The following COP1 variants were observed in gnomAD, a reference collection of about 807,000 sequenced individuals.
The protein encoded by COP1 is E3 ubiquitin-protein ligase COP1.
Under a neutral mutation model 101.3 loss-of-function variants are expected in COP1, and 24 were observed. That is an observed-to-expected ratio of 0.24 (90% CI 0.17 to 0.33). The LOEUF is 0.33. Among genes scored for constraint, COP1 ranks in the 10% least tolerant of loss-of-function variants. The pLI, the probability that COP1 is intolerant of heterozygous loss-of-function variation, is 1.00. For synonymous variants in COP1, 347 were observed against 341.9 expected (o/e 1.01, Z -0.17); for missense variants, 663 against 906.2 (o/e 0.73, Z 3.45).
At chr1:176,095,973 G>A (rs1682284088) in intron 9 of COP1, among the ~76,000 whole-genome samples, 1 of 152,120 alleles carries the variant, frequency 6.6e-6, no homozygotes, top group Admixed American at 6.5e-5. Flanking sequence ...TTACTATTCT[G>A]TGACAAAATG....
intron 1 of COP1, among the ~76,000 whole-genome samples, chr1:176,201,945 A>G (rs1700303737): frequency 6.6e-6 from 1 of 152,322 alleles, no homozygotes; most frequent in South Asian, 2.1e-4. Context: ...CCAGTAACTG[A>G]ACATGCTTTT....
chr1:176,161,199 T>C (rs1694265344), intron 5 of COP1, among the ~76,000 whole-genome samples: 1 of 152,222 alleles, frequency 6.6e-6, no homozygotes, highest in Admixed American at 6.5e-5. Flanking sequence ...CTTATCTCAT[T>C]TTATTTATTT....
chr1:176,093,838 T>TCAAAA (rs537553723), intron 9 of COP1, among the ~76,000 whole-genome samples: 15,932 of 149,914 alleles, frequency 0.11, 940 homozygotes, highest in Middle Eastern at 0.15. Flanking sequence ...AGACTCTGTC[T>TCAAAA]CAAAACAAAA....
chr1:176,194,379 C>T (rs991287580), intron 1 of COP1, among the ~76,000 whole-genome samples: 11 of 152,198 alleles, frequency 7.2e-5, no homozygotes, highest in African/African-American at 2.7e-4. Context: ...GTGGCTCACA[C>T]CTCTAATCCC....
chr1:175,985,897 C>T (rs779832998), intron 18 of COP1, among the ~76,000 whole-genome samples: 3 of 152,078 alleles, frequency 2.0e-5, no homozygotes, highest in Non-Finnish European at 4.4e-5. Flanking sequence ...ATACCTGAAA[C>T]TTGGATTTTT....
intron 12 of COP1, among the ~76,000 whole-genome samples, chr1:176,045,581 G>GAGGA (rs1286294379): frequency 9.9e-5 from 10 of 101,150 alleles, no homozygotes; most frequent in African/African-American, 3.4e-4. Flanking sequence ...TGTTTAGAAG[G>GAGGA]AAAAAAAAAA....
chr1:175,987,527 C>T (rs553861565), intron 17 of COP1, among the ~76,000 whole-genome samples: 1 of 152,222 alleles, frequency 6.6e-6, no homozygotes, highest in South Asian at 2.1e-4. Flanking sequence ...AAGAAAGTGG[C>T]AACACTTACA....
intron 9 of COP1, among the ~76,000 whole-genome samples, chr1:176,092,863 A>T (rs1185314364): frequency 1.3e-5 from 2 of 152,170 alleles, no homozygotes; most frequent in Non-Finnish European, 1.5e-5. Context: ...ATATCTAGGG[A>T]AACTCTTGCA....
chr1:176,156,789 G>T (rs1384314819), intron 5 of COP1, among the ~76,000 whole-genome samples: 2 of 151,942 alleles, frequency 1.3e-5, no homozygotes, highest in African/African-American at 4.8e-5. Context: ...CTAATAACAG[G>T]GTTTCAAAAT....
intron 15 of COP1, among the ~76,000 whole-genome samples, chr1:175,997,467 C>T (rs1040313388): frequency 6.6e-6 from 1 of 151,880 alleles, no homozygotes. Context: ...AGGCAACCTA[C>T]AAAATGGGAG....
intron 2 of COP1, among the ~76,000 whole-genome samples, chr1:176,177,152 T>C (rs139396063): frequency 8.9e-4 from 136 of 152,242 alleles, no homozygotes; most frequent in African/African-American, 3.2e-3. Flanking sequence ...TTATTGTAAT[T>C]TGTATGCCAT....
chr1:176,049,178 C>CAAAAAAAAAAAAA (rs61267982), intron 11 of COP1, among the ~76,000 whole-genome samples: 67 of 118,326 alleles, frequency 5.7e-4, no homozygotes, highest in Non-Finnish European at 6.4e-4. Flanking sequence ...GACTCCGTCT[C>CAAAAAAAAAAAAA]AAAAAAAAAA....
At chr1:175,952,474 C>T (rs1473333682) in intron 18 of COP1, among the ~76,000 whole-genome samples, 1 of 149,454 alleles carries the variant, frequency 6.7e-6, no homozygotes, top group Non-Finnish European at 1.5e-5. Flanking sequence ...TTGAGATACA[C>T]AAAATTAAAG....
intron 18 of COP1, among the ~76,000 whole-genome samples, chr1:175,954,021 T>C (rs1382732993): frequency 6.6e-6 from 1 of 152,210 alleles, no homozygotes; most frequent in Non-Finnish European, 1.5e-5. Context: ...GCATGCGTAC[T>C]AGTCCCCAAC....
chr1:176,053,682 T>C (rs967471556), intron 11 of COP1, among the ~76,000 whole-genome samples: 2 of 152,172 alleles, frequency 1.3e-5, no homozygotes, highest in African/African-American at 2.4e-5. Context: ...TTCCATTCTT[T>C]CCAGTTGATT....
intron 14 of COP1, among the ~76,000 whole-genome samples, chr1:176,040,321 C>T (rs971980443): frequency 6.6e-6 from 1 of 151,748 alleles, no homozygotes; most frequent in Admixed American, 6.6e-5. Context: ...TTCCCTCCTT[C>T]TCTTTCTTTT....
intron 9 of COP1, among the ~76,000 whole-genome samples, chr1:176,113,608 T>C (rs1685658621): frequency 6.6e-6 from 1 of 152,110 alleles, no homozygotes; most frequent in Non-Finnish European, 1.5e-5. Flanking sequence ...TATATAAAGT[T>C]TGGTCAAAGT....
intron 12 of COP1, among the ~76,000 whole-genome samples, chr1:176,045,097 A>G (rs976725672): frequency 1.3e-5 from 2 of 152,206 alleles, no homozygotes; most frequent in African/African-American, 4.8e-5. Flanking sequence ...TGGCTCCTCT[A>G]TATAGCAGGT....
rs191441202 is a variant in COP1 at position 176,019,805 on chromosome 1, G to A, written c.1729+7767C>T. On this transcript the variant is annotated intron_variant, in intron 15 of 19. Transcript: ENST00000367669. ...GAGCCTGGAAGGCAGAGGCTGCAGT[G>A]AGCCAAGACCACACCACTGCATTGC... 1.9e-4 allele frequency among the ~76,000 whole-genome samples: 29 copies of A among 152,084 alleles called. 2 individuals carry two copies. The East Asian group carries it at 5.2e-3, about 27-fold the overall frequency.
Sources: gnomAD v4.1 joint callset for allele counts (sites outside exome capture counted in the v4.1 genomes callset) on GRCh38, gnomAD v4.1.1 for gene constraint, MANE v1.5 for transcripts, NCBI Gene and HGNC (gene_info 2026-07-23, HGNC 2026-07-21) for gene names.